Variants in EEF1AKMT1 observed in about 807,000 individuals in gnomAD.
The protein encoded by EEF1AKMT1 is N-6 adenine-specific DNA methyltransferase 2 (putative).
EEF1AKMT1 carries 18 observed loss-of-function variants against 21.0 expected under a neutral mutation model. The ratio of observed to expected loss-of-function variants is 0.86; its 90% CI spans 0.59 to 1.27. The LOEUF is 1.27. EEF1AKMT1 is among the 50% of genes most tolerant of loss of function. EEF1AKMT1 has a pLI of 0.00. For missense variants in EEF1AKMT1, 246 were observed against 258.6 expected (o/e 0.95, Z 0.33); for synonymous variants, 109 against 94.8 (o/e 1.15, Z -0.87).
At chr13:20,765,154 G>A (rs1261470658) in intron 1 of EEF1AKMT1, among the ~76,000 whole-genome samples, 2 of 151,894 alleles carry the variant, frequency 1.3e-5, no homozygotes, top group African/African-American at 2.4e-5. Context: ...CCAGCTACTC[G>A]GGAGGCTGAG....
At chr13:20,749,183 G>T (rs939405376) in intron 2 of EEF1AKMT1, among the ~76,000 whole-genome samples, 1 of 152,012 alleles carries the variant, frequency 6.6e-6, no homozygotes, top group African/African-American at 2.4e-5. Context: ...TCATTTGCTT[G>T]GTTAGTTTAT....
chr13:20,745,239 G>A (rs2058896597), intron 2 of EEF1AKMT1, among the ~76,000 whole-genome samples: 1 of 152,150 alleles, frequency 6.6e-6, no homozygotes, highest in African/African-American at 2.4e-5. Context: ...GTAGCTTGAT[G>A]GGAATAGCAT....
intron 2 of EEF1AKMT1, among the ~76,000 whole-genome samples, chr13:20,751,987 G>T (rs2058943912): frequency 6.6e-6 from 1 of 152,010 alleles, no homozygotes; most frequent in Non-Finnish European, 1.5e-5. Flanking sequence ...ATTTTTGTAT[G>T]TTGATTTTGT....
intron 1 of EEF1AKMT1, among the ~76,000 whole-genome samples, chr13:20,772,359 A>G (rs2059067023): frequency 6.6e-6 from 1 of 152,162 alleles, no homozygotes; most frequent in African/African-American, 2.4e-5. Context: ...CAGAATGAGG[A>G]GCCCTTTTGT....
At chr13:20,742,287 A>T (rs1317879904) in intron 2 of EEF1AKMT1, among the ~76,000 whole-genome samples, 1 of 151,872 alleles carries the variant, frequency 6.6e-6, no homozygotes, top group African/African-American at 2.4e-5. Context: ...TGTTGCTAGC[A>T]TTCCCTAATT....
At chr13:20,758,669 A>C (rs1330181360) in intron 1 of EEF1AKMT1, among the ~76,000 whole-genome samples, 3 of 152,182 alleles carry the variant, frequency 2.0e-5, no homozygotes, top group African/African-American at 7.2e-5. Context: ...AATTAAAAAA[A>C]ATTCTAAAAT....
Position 20,766,103 on chromosome 13 carries a change from G to T in EEF1AKMT1, c.-20+7818C>A, listed in dbSNP as rs553235069. On this transcript the variant is annotated intron_variant, in intron 1 of 4. Coordinates refer to ENST00000382758, the MANE Select transcript of EEF1AKMT1 (RefSeq NM_001318939.2). ...TCATGAGGTTAGGAGTTCAAGACCA[G>T]CCTGGCCAACATGGTGAAACCCCAT... Among the ~76,000 whole-genome samples the T allele has an allele frequency of 2.8e-3, 426 of 151,452 alleles. 9 individuals carry two copies. Among genetic ancestry groups the T allele is most frequent in the African/African-American group, 9.4e-3 (388 of 41,314 alleles).
At chr13:20,735,942 TC>T (rs2058823690) in intron 3 of EEF1AKMT1, among the ~76,000 whole-genome samples, 1 of 151,612 alleles carries the variant, frequency 6.6e-6, no homozygotes, top group Admixed American at 6.6e-5. Flanking sequence ...GTGGAGGAAT[TC>T]TCCCAGAAAG....
In EEF1AKMT1 at chr13:20,756,135, C is replaced by T. The variant is rs908383805; in HGVS notation, c.144+1320G>A. 9.1e-4 allele frequency among the ~76,000 whole-genome samples: 139 copies of T among 152,036 alleles called. 1 individual carries two copies. Among genetic ancestry groups the T allele is most frequent in the African/African-American group, 3.3e-3 (136 of 41,412 alleles). On this transcript the variant is annotated intron_variant, in intron 2 of 4. Coordinates refer to ENST00000382758, the MANE Select transcript of EEF1AKMT1 (RefSeq NM_001318939.2). ...ATAACTCAGAGATCCAAACTAGACA[C>T]AAAAATATTAAAGACTATCAAAAAA...
At chr13:20,770,742 T>TAAA (rs1330057921) in intron 1 of EEF1AKMT1, among the ~76,000 whole-genome samples, 1 of 152,030 alleles carries the variant, frequency 6.6e-6, no homozygotes, top group African/African-American at 2.4e-5. Context: ...ACAAGTTCCT[T>TAAA]AAAAAAGGCT....
At chr13:20,739,235 G>C (rs150676613) in intron 2 of EEF1AKMT1, among the ~76,000 whole-genome samples, 1 of 152,312 alleles carries the variant, frequency 6.6e-6, no homozygotes, top group Non-Finnish European at 1.5e-5. Context: ...GACCTTCACG[G>C]TGAGTGTTAC....
At chr13:20,767,021 G>T (rs2059037738) in intron 1 of EEF1AKMT1, among the ~76,000 whole-genome samples, 1 of 151,838 alleles carries the variant, frequency 6.6e-6, no homozygotes, top group Non-Finnish European at 1.5e-5. Context: ...ATTTCCAGAT[G>T]GTGGGCCAGG....
intron 1 of EEF1AKMT1, among the ~76,000 whole-genome samples, chr13:20,767,330 A>AT (rs1491138838): frequency 1.3e-5 from 2 of 150,366 alleles, no homozygotes; most frequent in Admixed American, 6.6e-5. Flanking sequence ...AAAAAAAAAA[A>AT]AGATATTTCC....
chr13:20,751,439 G>A (rs1197381025), intron 2 of EEF1AKMT1, among the ~76,000 whole-genome samples: 1 of 151,838 alleles, frequency 6.6e-6, no homozygotes, highest in Non-Finnish European at 1.5e-5. Context: ...CTTTCCCCTT[G>A]GCACCTTTGT....
intron 1 of EEF1AKMT1, among the ~76,000 whole-genome samples, chr13:20,760,056 G>T (rs1190986171): frequency 7.0e-6 from 1 of 143,316 alleles, no homozygotes; most frequent in African/African-American, 2.6e-5. Flanking sequence ...AGTGAGCTGA[G>T]ATTGCGCCAC....
At chr13:20,756,115 T>C (rs147379106) in intron 2 of EEF1AKMT1, among the ~76,000 whole-genome samples, 469 of 152,224 alleles carry the variant, frequency 3.1e-3, no homozygotes, top group Non-Finnish European at 5.0e-3. Context: ...TTTATATAAC[T>C]CAGAGATCCA....
intron 2 of EEF1AKMT1, among the ~76,000 whole-genome samples, chr13:20,740,304 G>A (rs2058862142): frequency 6.6e-6 from 1 of 152,186 alleles, no homozygotes; most frequent in Non-Finnish European, 1.5e-5. Context: ...TTCCGCCCAC[G>A]TCTCTCCCTC....
chr13:20,732,874 CCA>C (rs141756195), intron 3 of EEF1AKMT1, among the ~76,000 whole-genome samples: 5,575 of 152,182 alleles, frequency 0.037, 355 homozygotes, highest in African/African-American at 0.13. Flanking sequence ...CCAACTCACT[CCA>C]GTTTTCCATA....
chr13:20,747,384 T>TA (rs2058911076), intron 2 of EEF1AKMT1: 4 of 229,664 alleles, frequency 1.7e-5, no homozygotes, highest in Admixed American at 8.2e-5. Context: ...CTGTCCTTTA[T>TA]ACCCACTCAG....
Sources: allele counts gnomAD v4.1 joint callset (sites outside exome capture counted in the v4.1 genomes callset), GRCh38; gene constraint gnomAD v4.1.1; transcripts MANE v1.5; gene names NCBI Gene and HGNC (gene_info 2026-07-23, HGNC 2026-07-21).